Variants in ATAD2 observed in about 807,000 individuals in gnomAD.
ATAD2 encodes ATPase family AAA domain containing 2.
A neutral mutation model predicts 168.9 loss-of-function variants in ATAD2; 62 were observed. The observed-to-expected ratio is 0.37, with a 90% confidence interval of 0.30 to 0.45. The LOEUF is 0.45. Ranked by LOEUF, ATAD2 falls within the 20% of genes least tolerant of loss-of-function variation. ATAD2 has a pLI of 1.00. For synonymous variants in ATAD2, 613 were observed against 571.6 expected (o/e 1.07, Z -1.03); for missense variants, 1,419 against 1,667.8 (o/e 0.85, Z 2.60).
rs771987539 is a variant in ATAD2, at chr8:123,325,994, G to A, written c.3901C>T (p.Arg1301Cys). The A allele has an allele frequency of 4.7e-5, 76 of 1,614,106 alleles. No individual in the cohort carries two copies. In the Admixed American group the frequency reaches 5.7e-4, roughly 12 times the overall value. ...AGCTGCTGCTGTTCTACCTGGGAAC[G>A]TCTAGCTCGAGTCATTCGCAGAACA... ...MCVLRMTRAR[R>C]SQVEQQQLIT... The change falls in exon 26 of 28, where the codon CGT becomes TGT. Residue 1301 changes from arginine to cysteine, a missense_variant. Transcript: ENST00000287394.
intron 24 of ATAD2, among the ~76,000 whole-genome samples, chr8:123,329,713 C>T (rs898136880): frequency 6.8e-5 from 9 of 132,884 alleles, no homozygotes; most frequent in Non-Finnish European, 1.4e-4. Context: ...GATCATGCCA[C>T]TGCACTCTAG....
At chr8:123,371,152 G>C (rs989095291) in intron 5 of ATAD2, 84 bp downstream of exon 5, 2 of 1,184,168 alleles carry the variant, frequency 1.7e-6, no homozygotes, top group Non-Finnish European at 2.4e-6. Flanking sequence ...GGAAAAAGTA[G>C]ATATTTAATG....
intron 13 of ATAD2, among the ~76,000 whole-genome samples, chr8:123,351,972 T>A (rs34812795): frequency 6.6e-6 from 1 of 152,074 alleles, no homozygotes; most frequent in Non-Finnish European, 1.5e-5. Context: ...ATGGTCTCGA[T>A]CTCCTGACCT....
At chr8:123,352,915 A>C (rs147226568) in intron 13 of ATAD2, among the ~76,000 whole-genome samples, 130 of 151,824 alleles carry the variant, frequency 8.6e-4, no homozygotes, top group East Asian at 1.6e-3. Context: ...AAACAAACAA[A>C]CAACCAAAAC....
chr8:123,368,747 G>A (rs1055593366), intron 8 of ATAD2, among the ~76,000 whole-genome samples: 4 of 152,146 alleles, frequency 2.6e-5, no homozygotes, highest in African/African-American at 7.2e-5. Flanking sequence ...AACAATCTAC[G>A]TAAAATGCTT....
upstream of ATAD2, chr8:123,400,911 T>G: frequency 1.3e-5 from 18 of 1,411,506 alleles, no homozygotes; most frequent in South Asian, 2.1e-4. The surrounding 1 kb of genome is among the most constrained non-coding windows in gnomAD (Gnocchi z 4.5). Context: ...AGTTTGAACA[T>G]GGCTTCATCA....
intron 24 of ATAD2, among the ~76,000 whole-genome samples, chr8:123,330,191 T>C (rs1026527780): frequency 6.6e-6 from 1 of 151,924 alleles, no homozygotes; most frequent in African/African-American, 2.4e-5. Flanking sequence ...GGTCTTGCTC[T>C]GCTGCCCAGG....
chr8:123,341,348 C>T (rs1796733212), intron 19 of ATAD2, among the ~76,000 whole-genome samples: 1 of 152,150 alleles, frequency 6.6e-6, no homozygotes, highest in Admixed American at 6.5e-5. Flanking sequence ...CACATCCATA[C>T]AAAGTTCACC....
At chr8:123,347,937 G>C in intron 15 of ATAD2, 1 of 525,182 alleles carries the variant, frequency 1.9e-6, no homozygotes, top group Non-Finnish European at 3.4e-6. Flanking sequence ...CTCTGCCCCT[G>C]ATGGCCAATT....
In ATAD2 at chr8:123,349,429, G is replaced by T. The variant is rs1828374829; in HGVS notation, c.1662C>A (p.Thr554=). 1.2e-6 allele frequency: 2 copies of T among 1,613,558 alleles called. No individual in the cohort carries two copies. Among genetic ancestry groups the T allele is most frequent in the Non-Finnish European group, 1.7e-6 (2 of 1,179,838 alleles). The change falls in exon 14 of 28, where the codon ACC becomes ACA. Residue 554 remains threonine (T), a synonymous_variant. Coordinates refer to ENST00000287394, the MANE Select transcript of ATAD2 (RefSeq NM_014109.4). ...CCAATCCATCCATAAGAGCTAGCAG[G>T]GTGGAAACAATAGAACTAAATTTTA... is the stretch of plus-strand genomic sequence containing the variant. ...QDQIHSSIVS[T]LLALMDGLDS... is the part of the protein sequence containing the mutation.
Position 123,407,411 on chromosome 8 carries a change from T to C in ATAD2, c.-2281-6236A>G, listed in dbSNP as rs1366124512. 2.0e-5 allele frequency among the ~76,000 whole-genome samples: 3 copies of C among 152,122 alleles called. No individual in the cohort carries two copies. In the East Asian group the frequency reaches 5.8e-4, roughly 29 times the overall value. On this transcript the variant is annotated intron_variant, in intron 1 of 28. Coordinates refer to the ATAD2 transcript ENST00000521903. ...ACTATTCTAGTTAGGAGTGACTTGA[T>C]TTAGGAAAAAAATAATAATAAGGCA...
At chr8:123,340,543 G>A (rs575080479) in intron 19 of ATAD2, among the ~76,000 whole-genome samples, 2 of 152,134 alleles carry the variant, frequency 1.3e-5, no homozygotes, top group East Asian at 1.9e-4. Context: ...ATTCACAAAC[G>A]TCAGGAGGTG....
intron 8 of ATAD2, among the ~76,000 whole-genome samples, chr8:123,363,864 T>C (rs1469554080): frequency 6.6e-6 from 1 of 152,182 alleles, no homozygotes; most frequent in Non-Finnish European, 1.5e-5. Context: ...CCAGGTTAAA[T>C]AATTTACTCA....
chr8:123,325,664 G>A (rs971740191), intron 26 of ATAD2, among the ~76,000 whole-genome samples: 7 of 151,926 alleles, frequency 4.6e-5, no homozygotes, highest in African/African-American at 1.4e-4. Context: ...CAGGTGATCC[G>A]CCCACCTCAG....
rs374164785 is a variant in ATAD2 at position 123,334,036 on chromosome 8, T to C, written c.3335-15A>G. 785 of 1,597,714 alleles carry C rather than the reference T, an allele frequency of 4.9e-4. No individual in the cohort carries two copies. The highest frequency in any genetic ancestry group is 6.2e-4 in the Non-Finnish European group (726 of 1,170,470). ...GGAGCTACAACCTTATAAATAGATATGTGGGATGTCAAAAGGATTTCCAGA... is the reference window on the plus strand; with the variant it reads ...GGAGCTACAACCTTATAAATAGATACGTGGGATGTCAAAAGGATTTCCAGA... On this transcript the variant is annotated splice_polypyrimidine_tract_variant and intron_variant, in intron 23 of 27. Transcript: ENST00000287394.
At chr8:123,399,630 G>C (rs1812971395), upstream of ATAD2, among the ~76,000 whole-genome samples, 1 of 152,014 alleles carries the variant, frequency 6.6e-6, no homozygotes, top group Non-Finnish European at 1.5e-5. Flanking sequence ...GCCGAGGTGG[G>C]TATCACCTGA....
At chr8:123,406,018 A>C (rs1008910846) in intron 1 of ATAD2, among the ~76,000 whole-genome samples, 2 of 152,224 alleles carry the variant, frequency 1.3e-5, no homozygotes, top group Non-Finnish European at 2.9e-5. Flanking sequence ...TATATTAAGC[A>C]GAAACACAGA....
At chr8:123,332,348 A>ACATAAT (rs1175678410) in intron 24 of ATAD2, among the ~76,000 whole-genome samples, 4 of 152,222 alleles carry the variant, frequency 2.6e-5, no homozygotes, top group African/African-American at 9.6e-5. Flanking sequence ...GAAGAAACTC[A>ACATAAT]CATAATCAGC....
chr8:123,350,974 G>A (rs1828434648), intron 13 of ATAD2, among the ~76,000 whole-genome samples: 1 of 136,822 alleles, frequency 7.3e-6, no homozygotes, highest in South Asian at 2.1e-4. Context: ...CTTGTGATCT[G>A]CCCTGCCTGC....
Sources: allele counts gnomAD v4.1 joint callset (sites outside exome capture counted in the v4.1 genomes callset), GRCh38; gene constraint gnomAD v4.1.1; non-coding constraint Gnocchi (gnomAD v3.1); transcripts MANE v1.5; gene names NCBI Gene and HGNC (gene_info 2026-07-23, HGNC 2026-07-21).